PLEKHA8: variants seen among roughly 807,000 people sequenced by gnomAD.
The protein encoded by PLEKHA8 is pleckstrin homology domain-containing family A member 8.
A neutral mutation model predicts 68.2 loss-of-function variants in PLEKHA8; 36 were observed. That is an observed-to-expected ratio of 0.53 (90% CI 0.40 to 0.70). The LOEUF is 0.70. Among genes scored for constraint, PLEKHA8 ranks in the 30% least tolerant of loss-of-function variants. The probability of loss-of-function intolerance (pLI) is 0.00; values close to 1 mark genes in which losing one functional copy is unlikely to be tolerated. For synonymous variants in PLEKHA8, 211 were observed against 216.1 expected (o/e 0.98, Z 0.20); for missense variants, 505 against 615.4 (o/e 0.82, Z 1.90).
chr7:30,048,347 A>G (rs749907890), intron 4 of PLEKHA8, among the ~76,000 whole-genome samples: 21 of 152,296 alleles, frequency 1.4e-4, no homozygotes, highest in Non-Finnish European at 2.2e-4. Flanking sequence ...TTGCAGAGCC[A>G]TTTCTATAGC....
chr7:30,110,700 G>A (rs1257201892), intron 13 of PLEKHA8, among the ~76,000 whole-genome samples: 1 of 152,084 alleles, frequency 6.6e-6, no homozygotes, highest in East Asian at 1.9e-4. Context: ...ATCTGCTTTT[G>A]TTTTTCCTTT....
At chr7:30,043,965 A>G (rs1583790492) in intron 1 of PLEKHA8, among the ~76,000 whole-genome samples, 1 of 152,284 alleles carries the variant, frequency 6.6e-6, no homozygotes, top group East Asian at 1.9e-4. Flanking sequence ...TTTCAGAGAA[A>G]GAAAAGAACT....
intron 13 of PLEKHA8, among the ~76,000 whole-genome samples, chr7:30,108,372 G>A (rs1385456330): frequency 6.6e-6 from 1 of 152,112 alleles, no homozygotes; most frequent in Non-Finnish European, 1.5e-5. Context: ...GTAAAATGAG[G>A]TGGGCAGTGT....
intron 5 of PLEKHA8, 75 bp from the exon 6 acceptor site, chr7:30,050,359 G>T: frequency 1.3e-6 from 2 of 1,491,538 alleles, no homozygotes; most frequent in Non-Finnish European, 1.8e-6. Flanking sequence ...TTACCATTTT[G>T]TATGTAATAA....
Position 30,083,741 on chromosome 7 carries a change from G to A in PLEKHA8, c.*4954G>A, listed in dbSNP as rs910040423. ...AGAGTGAACAAATGTTTTCAGCTAA[G>A]CTATGTGAGAATGTAAGAATAATAT... is the stretch of plus-strand genomic sequence containing the variant. On this transcript the variant is annotated 3_prime_UTR_variant, in exon 14 of 14. Coordinates refer to ENST00000449726, the MANE Select transcript of PLEKHA8 (RefSeq NM_001197026.2). The A allele has an allele frequency of 1.0e-6, 1 of 985,076 alleles. No individual in the cohort carries two copies. Among genetic ancestry groups the A allele is most frequent in the African/African-American group, 1.7e-5 (1 of 57,222 alleles). 61.0% of individuals were successfully genotyped at this position (985,076 alleles called of 1,614,324 possible). A position where few individuals can be genotyped will look rare whatever the true frequency, so the allele number is the denominator to read the frequency against.
downstream of PLEKHA8, among the ~76,000 whole-genome samples, chr7:30,091,309 A>G (rs1283440835): frequency 1.4e-5 from 2 of 144,008 alleles, no homozygotes; most frequent in African/African-American, 2.6e-5. Context: ...TTTGATGCCT[A>G]TGATATCTTT....
chr7:30,044,538 A>G (rs1001388633), intron 1 of PLEKHA8, among the ~76,000 whole-genome samples: 3 of 152,252 alleles, frequency 2.0e-5, no homozygotes, highest in African/African-American at 4.8e-5. Context: ...TAAGTCAAAC[A>G]CGTTACCTTT....
At chr7:30,091,476 C>G (rs1025538368), downstream of PLEKHA8, among the ~76,000 whole-genome samples, 2 of 152,078 alleles carry the variant, frequency 1.3e-5, no homozygotes, top group African/African-American at 4.8e-5. Flanking sequence ...TATCTCACTA[C>G]ATTTTTTTTT....
downstream of PLEKHA8, among the ~76,000 whole-genome samples, chr7:30,087,189 T>C (rs953675546): frequency 1.3e-5 from 2 of 152,206 alleles, no homozygotes; most frequent in Admixed American, 6.5e-5. Flanking sequence ...GAGATCACCT[T>C]AGACAGTGAA....
chr7:30,091,719 G>C (rs1013096111), downstream of PLEKHA8, among the ~76,000 whole-genome samples: 1 of 152,322 alleles, frequency 6.6e-6, no homozygotes, highest in Non-Finnish European at 1.5e-5. Context: ...CAAGAAGCCA[G>C]AAAGACTCTT....
intron 9 of PLEKHA8, among the ~76,000 whole-genome samples, chr7:30,060,645 T>C (rs540831681): frequency 1.3e-5 from 2 of 152,272 alleles, no homozygotes; most frequent in Non-Finnish European, 2.9e-5. Context: ...CCTAAACTTA[T>C]AAGATTATCT....
intron 13 of PLEKHA8, among the ~76,000 whole-genome samples, chr7:30,123,329 AT>A (rs1290836584): frequency 2.0e-5 from 3 of 152,214 alleles, no homozygotes; most frequent in African/African-American, 7.2e-5. Flanking sequence ...GGTCATTTGA[AT>A]GCCAATCTGG....
At chr7:30,120,240 CAG>C (rs984485173) in intron 13 of PLEKHA8, among the ~76,000 whole-genome samples, 4 of 148,948 alleles carry the variant, frequency 2.7e-5, no homozygotes, top group Non-Finnish European at 5.9e-5. Flanking sequence ...TTAAATTTAA[CAG>C]AGTTTAACTG....
rs1310706681 is a variant in PLEKHA8, at chr7:30,074,074, A to T, written c.1304A>T (p.Asn435Ile). The part of the protein sequence containing the change: ...GEKDIQTALN[N>I]AYGKTLRQHH... ...TGGAGTTTTTCTTCTTTTCAAGATAATGCATATGGTAAAACATTGCGGCAA... is the reference window on the plus strand; with the variant it reads ...TGGAGTTTTTCTTCTTTTCAAGATATTGCATATGGTAAAACATTGCGGCAA... The change falls in exon 13 of 14, where the codon AAT becomes ATT. Residue 435 changes from asparagine to isoleucine, a missense_variant. Physicochemically the swap from Asn to Ile is moderately radical, Grantham distance 149. Transcript: ENST00000449726. 4.3e-6 allele frequency: 7 copies of T among 1,611,986 alleles called. No individual in the cohort carries two copies. The highest frequency in any genetic ancestry group is 5.9e-6 in the Non-Finnish European group (7 of 1,178,766).
At chr7:30,120,847 C>G (rs1796684313) in intron 13 of PLEKHA8, among the ~76,000 whole-genome samples, 1 of 152,234 alleles carries the variant, frequency 6.6e-6, no homozygotes. Context: ...ATTAGTACCA[C>G]AGGTAGAATG....
chr7:30,126,732 C>T (rs566132730), intron 13 of PLEKHA8, among the ~76,000 whole-genome samples: 50 of 152,296 alleles, frequency 3.3e-4, no homozygotes, highest in Non-Finnish European at 5.6e-4. Context: ...GTGAAAGGCA[C>T]GTCTCACATG....
chr7:30,035,455 A>G (rs1790994137), intron 1 of PLEKHA8, among the ~76,000 whole-genome samples: 1 of 152,120 alleles, frequency 6.6e-6, no homozygotes, highest in Non-Finnish European at 1.5e-5. Context: ...CAGAAAATTT[A>G]GTCTCTGTGT....
intron 11 of PLEKHA8, 26 bp downstream of exon 11, chr7:30,062,053 G>C (rs757137604): frequency 6.3e-7 from 1 of 1,585,574 alleles, no homozygotes; most frequent in South Asian, 1.2e-5. Context: ...TGGGACAGCA[G>C]TTAAAATCTA....
chr7:30,029,252 T>C (rs1465738619), intron 1 of PLEKHA8, among the ~76,000 whole-genome samples: 2 of 152,226 alleles, frequency 1.3e-5, no homozygotes, highest in South Asian at 2.1e-4. Flanking sequence ...TTTATCAAAG[T>C]CCTCAGTGCA....
Sources: allele counts gnomAD v4.1 joint callset (sites outside exome capture counted in the v4.1 genomes callset), GRCh38; gene constraint gnomAD v4.1.1; transcripts MANE v1.5; gene names NCBI Gene and HGNC (gene_info 2026-07-23, HGNC 2026-07-21).